ATP5MC2: variants seen among roughly 807,000 people sequenced by gnomAD.
ATP5MC2 encodes the protein ATP synthase membrane subunit c locus 2, also known as ATP synthase F(0) complex subunit C2, mitochondrial.
A neutral mutation model predicts 13.5 loss-of-function variants in ATP5MC2; 11 were observed. That is an observed-to-expected ratio of 0.81 (90% CI 0.51 to 1.35). The LOEUF (loss-of-function observed/expected upper bound fraction) is 1.35. Ranked by LOEUF, ATP5MC2 falls within the 40% of genes most tolerant of loss-of-function variation. The pLI is 0.00. For missense variants in ATP5MC2, 132 were observed against 175.0 expected (o/e 0.75, Z 1.39); for synonymous variants, 64 against 69.7 (o/e 0.92, Z 0.41).
chr12:53,668,218 A>G (rs1473396207), intron 4 of ATP5MC2, among the ~76,000 whole-genome samples: 1 of 150,726 alleles, frequency 6.6e-6, no homozygotes, highest in East Asian at 2.0e-4. Flanking sequence ...CAAACTCCTG[A>G]CGTCAGGTGA....
chr12:53,667,956 C>CATACACATATATATATATATATATAT (rs1944971986), intron 4 of ATP5MC2, among the ~76,000 whole-genome samples: 1 of 67,370 alleles, frequency 1.5e-5, no homozygotes, highest in Non-Finnish European at 3.1e-5. Context: ...CATACACACA[C>CATACACATATATATATATATATATAT]ATATATATAT....
chr12:53,666,543 A>C (rs1166977629), intron 4 of ATP5MC2, among the ~76,000 whole-genome samples: 2 of 148,454 alleles, frequency 1.3e-5, no homozygotes, highest in African/African-American at 5.0e-5. Context: ...CAGCCACTGT[A>C]CTCCAGCCTG....
chr12:53,675,288 A>T (rs1026333501), intron 1 of ATP5MC2, among the ~76,000 whole-genome samples: 1 of 152,226 alleles, frequency 6.6e-6, no homozygotes, highest in African/African-American at 2.4e-5. Flanking sequence ...GCTGGCAGGC[A>T]GGGTCTCATG....
intron 1 of ATP5MC2, chr12:53,673,358 C>T (rs1308441942): frequency 7.0e-6 from 1 of 142,066 alleles, no homozygotes. Flanking sequence ...AAAAAGTTGC[C>T]CTTTAGAGTC....
upstream of ATP5MC2, among the ~76,000 whole-genome samples, chr12:53,680,920 G>T (rs917648573): frequency 4.0e-5 from 6 of 151,810 alleles, no homozygotes; most frequent in African/African-American, 1.2e-4. Context: ...TTATTTTTGT[G>T]GGGGAGGTGG....
rs1264521579 is a variant in ATP5MC2, at chr12:53,667,952, CACACATATATATATATATATATATATAT to C, written c.311+1168_311+1195del. 6.8e-3 allele frequency among the ~76,000 whole-genome samples: 751 copies of C among 110,770 alleles called. 18 individuals carry two copies. The highest frequency in any genetic ancestry group is 0.022 in the African/African-American group (695 of 31,040). The allele number at this position is 110,770 out of a possible 152,430, so 72.7% of individuals were successfully genotyped here. Reference sequence around the variant, plus strand: ...ACATTCTAATACATACATACATACACACACATATATATATATATATATATATATATATATATATATATAAATTTTTTTT... The same window carrying C: ...ACATTCTAATACATACATACATACACATATATATATATATAAATTTTTTTT... On this transcript the variant is annotated intron_variant, in intron 4 of 4. Coordinates refer to ENST00000394349, the MANE Select transcript of ATP5MC2 (RefSeq NM_005176.7).
At chr12:53,675,901 C>T in intron 1 of ATP5MC2, 152 bp downstream of exon 1, 1 of 1,233,802 alleles carries the variant, frequency 8.1e-7, no homozygotes, top group Non-Finnish European at 1.1e-6. Context: ...CGCGGAAGAG[C>T]CAACTCTAAG....
At chr12:53,673,099 T>A (rs1347983982) in intron 1 of ATP5MC2, 1 of 155,938 alleles carries the variant, frequency 6.4e-6, no homozygotes, top group Non-Finnish European at 1.4e-5. Context: ...GGCGGGCGGA[T>A]CACGAGGTCA....
At chr12:53,667,956 C>CATACATAT (rs1944971986) in intron 4 of ATP5MC2, among the ~76,000 whole-genome samples, 1 of 67,364 alleles carries the variant, frequency 1.5e-5, no homozygotes, top group Non-Finnish European at 3.1e-5. Flanking sequence ...CATACACACA[C>CATACATAT]ATATATATAT....
chr12:53,672,194 C>A (rs1344229057), intron 2 of ATP5MC2, among the ~76,000 whole-genome samples: 1 of 151,760 alleles, frequency 6.6e-6, no homozygotes, highest in East Asian at 1.9e-4. Flanking sequence ...AGGGCCTTCC[C>A]TCCCCAAGAA....
chr12:53,680,946 G>T (rs1039108389), upstream of ATP5MC2, among the ~76,000 whole-genome samples: 6 of 151,892 alleles, frequency 4.0e-5, no homozygotes, highest in African/African-American at 1.5e-4. Flanking sequence ...TGCTCTTGTC[G>T]CCCATGCTGG....
At chr12:53,677,242 G>T, upstream of ATP5MC2, 1 of 152,792 alleles carries the variant, frequency 6.5e-6, no homozygotes, top group South Asian at 1.9e-4. Context: ...CCATTTAATC[G>T]GATTTGGGAG....
upstream of ATP5MC2, among the ~76,000 whole-genome samples, chr12:53,677,774 T>C (rs571459377): frequency 2.6e-5 from 4 of 152,352 alleles, no homozygotes; most frequent in African/African-American, 9.6e-5. Flanking sequence ...AACAGGTATT[T>C]ATCAAGTACC....
chr12:53,669,859 A>G lies in ATP5MC2; in HGVS notation c.117+12T>C. 6.2e-7 allele frequency: 1 copy of G among 1,613,490 alleles called. No homozygotes were observed. Among genetic ancestry groups the G allele is most frequent in the South Asian group, 1.1e-5 (1 of 91,042 alleles). On this transcript the variant is annotated intron_variant, in intron 3 of 4. Coordinates refer to ENST00000394349, the MANE Select transcript of ATP5MC2 (RefSeq NM_005176.7). ...CCCCCAAAACCACAGTCCCAACTCC[A>G]CTGTAAGGTACCTCATCTGTCAGTA...
intron 2 of ATP5MC2, among the ~76,000 whole-genome samples, chr12:53,671,773 TATA>T (rs1394607514): frequency 1.3e-5 from 2 of 152,186 alleles, no homozygotes; most frequent in East Asian, 1.9e-4. Flanking sequence ...GGCTCATGCC[TATA>T]ATATCAGCAA....
intron 3 of ATP5MC2, 150 bp downstream of exon 3, chr12:53,669,721 C>T: frequency 3.6e-6 from 3 of 829,208 alleles, no homozygotes; most frequent in South Asian, 3.3e-5. Context: ...TATTAAGTGT[C>T]CTCCATCTCC....
upstream of ATP5MC2, among the ~76,000 whole-genome samples, chr12:53,680,695 A>G (rs1945335699): frequency 3.8e-5 from 5 of 132,916 alleles, no homozygotes; most frequent in Admixed American, 3.9e-4. Context: ...GTTTGAAAAA[A>G]AAATTATGAA....
At chr12:53,669,087 A>G in intron 4 of ATP5MC2, 61 bp downstream of exon 4, 2 of 1,538,288 alleles carry the variant, frequency 1.3e-6, no homozygotes, top group Non-Finnish European at 1.7e-6. Context: ...TAGACCCCCA[A>G]ATATTTTCTG....
chr12:53,675,924 C>T, intron 1 of ATP5MC2, 129 bp downstream of exon 1: 2 of 1,365,820 alleles, frequency 1.5e-6, no homozygotes, highest in Non-Finnish European at 2.0e-6. Context: ...TAAGGGATAG[C>T]GGAAGCAAGA....
Sources: allele counts gnomAD v4.1 joint callset (sites outside exome capture counted in the v4.1 genomes callset), GRCh38; gene constraint gnomAD v4.1.1; transcripts MANE v1.5; gene names NCBI Gene and HGNC (gene_info 2026-07-23, HGNC 2026-07-21).